The following INSRR variants were observed in gnomAD, a reference collection of about 807,000 sequenced individuals.
INSRR encodes the protein insulin receptor related receptor.
A neutral mutation model predicts 130.0 loss-of-function variants in INSRR; 114 were observed. The observed-to-expected ratio is 0.88, with a 90% CI of 0.75 to 1.02. The LOEUF is 1.02. Among genes scored for constraint, INSRR ranks in the 50% least tolerant of loss-of-function variants. The pLI is 0.00. For synonymous variants in INSRR, 674 were observed against 705.2 expected (o/e 0.96, Z 0.70); for missense variants, 1,657 against 1,735.2 (o/e 0.95, Z 0.80).
chr1:156,844,806 C>T lies in INSRR; in HGVS notation c.2475G>A (p.Glu825=). ...GAAGGACACTGTTCTTGCTGGAGGC[C>T]TCCCAGGCCACCTTTCCTGGAATAC... ...ADGIPGKVAW[E]ASSKNSVLLR... The change falls in exon 13 of 22, where the codon GAG becomes GAA. Residue 825 remains glutamate (E), a synonymous_variant. Coordinates refer to ENST00000368195, the MANE Select transcript of INSRR (RefSeq NM_014215.3). 6.2e-7 allele frequency: 1 copy of T among 1,614,128 alleles called. No homozygotes were observed. Among genetic ancestry groups the T allele is most frequent in the Non-Finnish European group, 8.5e-7 (1 of 1,180,026 alleles).
chr1:156,849,926 T>C (rs1157806914), intron 5 of INSRR, among the ~76,000 whole-genome samples: 2 of 151,874 alleles, frequency 1.3e-5, no homozygotes, highest in Non-Finnish European at 2.9e-5. Flanking sequence ...CTTTTTTTTT[T>C]TTTCCTCACT....
chr1:156,857,743 C>T lies in INSRR; in HGVS notation c.85+794G>A, dbSNP rs729462. On this transcript the variant is annotated intron_variant, in intron 1 of 21. Coordinates refer to ENST00000368195, the MANE Select transcript of INSRR (RefSeq NM_014215.3). Reference sequence around the variant, plus strand: ...GTCTGAGGGGCATCATAGGACCTCTCGGGCAAGCACAGAGTCTGGATTCCT... The same window carrying T: ...GTCTGAGGGGCATCATAGGACCTCTTGGGCAAGCACAGAGTCTGGATTCCT... Among the ~76,000 whole-genome samples the T allele has an allele frequency of 6.5e-3, 994 of 152,316 alleles. 18 individuals carry two copies. The highest frequency in any genetic ancestry group is 0.023 in the African/African-American group (945 of 41,556).
chr1:156,846,326 G>A (rs887538845), intron 8 of INSRR, among the ~76,000 whole-genome samples, 193 bp downstream of exon 8: 36 of 151,908 alleles, frequency 2.4e-4, no homozygotes, highest in African/African-American at 8.5e-4. Context: ...TATTGACCCC[G>A]GACTGTCCCA....
rs566702909 is a variant in INSRR, at chr1:156,845,789, G to T, written c.2004C>A (p.Asn668Lys). 1 of 1,612,806 alleles carries T rather than the reference G, an allele frequency of 6.2e-7. No homozygotes were observed. Among genetic ancestry groups the T allele is most frequent in the South Asian group, 1.1e-5 (1 of 91,080 alleles). ...CGTCTTCGCCGTCGAAGCGCGGATC[G>T]TTGTTGCTGGTGGGCAGCCGCAAGC... ...HRGLRLPTSN[N>K]DPRFDGEDGD... The change falls in exon 10 of 22, where the codon AAC becomes AAA. Residue 668 changes from asparagine to lysine, a missense_variant. Transcript: ENST00000368195.
intron 8 of INSRR, 45 bp from the exon 9 acceptor site, chr1:156,846,164 C>T (rs374332769): frequency 5.1e-5 from 78 of 1,524,340 alleles, no homozygotes; most frequent in Non-Finnish European, 6.3e-5. Flanking sequence ...GGGTCTTCCT[C>T]CTGAATACTA....
Position 156,846,120 on chromosome 1 carries a change from C to T in INSRR, c.1811-1G>A. 6.3e-7 allele frequency: 1 copy of T among 1,588,742 alleles called. No homozygotes were observed. Among genetic ancestry groups the T allele is most frequent in the South Asian group, 1.2e-5 (1 of 86,758 alleles). ...ATGACGTCTTGGGGCACCGTGGGAG[C>T]TAGGAGTGCGAGAAGGATGCAACTC... On this transcript the variant is annotated splice_acceptor_variant, in intron 8 of 21. Transcript: ENST00000368195. LOFTEE classifies it high-confidence loss of function.
chr1:156,848,117 G>A (rs1655074827), intron 7 of INSRR, among the ~76,000 whole-genome samples: 1 of 152,118 alleles, frequency 6.6e-6, no homozygotes. Context: ...AGCTGCCCAC[G>A]CTGGAGACCT....
At position 156,841,404 on chromosome 1, in the gene INSRR, G is replaced by T; in HGVS notation, c.3652C>A (p.Pro1218Thr). The change falls in exon 21 of 22, where the codon CCC becomes ACC. Residue 1218 changes from proline to threonine, a missense_variant. Coordinates refer to ENST00000368195, the MANE Select transcript of INSRR (RefSeq NM_014215.3). The stretch of plus-strand genomic sequence containing the variant: ...GGGGAGGTGACTCACAGCTGAAGGG[G>T]ACAGCCCTCCAGCTCCTCCAGGACC... ...GGVLEELEGC[P>T]LQLQELMSRC... The T allele has an allele frequency of 6.2e-7, 1 of 1,613,560 alleles. No individual in the cohort carries two copies. Among genetic ancestry groups the T allele is most frequent in the Non-Finnish European group, 8.5e-7 (1 of 1,179,628 alleles).
chr1:156,850,091 A>G (rs892773967), intron 5 of INSRR, among the ~76,000 whole-genome samples: 11 of 152,060 alleles, frequency 7.2e-5, no homozygotes, highest in African/African-American at 2.4e-4. Flanking sequence ...TTATAGAGAC[A>G]GAGTTTCACC....
Position 156,841,387 on chromosome 1 carries a change from G to A in INSRR, c.3662+7C>T, listed in dbSNP as rs1487298813. 1 of 1,613,132 alleles carries A rather than the reference G, an allele frequency of 6.2e-7. No individual in the cohort carries two copies. Among genetic ancestry groups the A allele is most frequent in the Non-Finnish European group, 8.5e-7 (1 of 1,179,432 alleles). On this transcript the variant is annotated splice_region_variant and intron_variant, in intron 21 of 21. Coordinates refer to ENST00000368195, the MANE Select transcript of INSRR (RefSeq NM_014215.3). ...ACAATGAGGAAGGGGCAGGGGAGGT[G>A]ACTCACAGCTGAAGGGGACAGCCCT...
intron 15 of INSRR, among the ~76,000 whole-genome samples, chr1:156,843,740 G>A (rs1654886418): frequency 6.6e-6 from 1 of 152,212 alleles, no homozygotes. Context: ...CAAGCTGATC[G>A]AGGTCCAGCC....
intron 10 of INSRR, 76 bp downstream of exon 10, chr1:156,845,543 C>A: frequency 7.6e-7 from 1 of 1,310,930 alleles, no homozygotes; most frequent in African/African-American, 1.5e-5. Context: ...ACCCACAAAC[C>A]CCACCCCTCC....
At chr1:156,843,362 G>T in intron 16 of INSRR, 65 bp downstream of exon 16, 1 of 1,583,690 alleles carries the variant, frequency 6.3e-7, no homozygotes, top group Non-Finnish European at 8.7e-7. Context: ...TCTTCTGGAA[G>T]TCTGTCTCTG....
In INSRR at chr1:156,853,865, TC is replaced by T. The variant is rs1655316407; in HGVS notation, c.523del (p.Glu175SerfsTer73). 6.2e-7 allele frequency: 1 copy of T among 1,613,954 alleles called. No individual in the cohort carries two copies. Among genetic ancestry groups the T allele is most frequent in the African/African-American group, 1.3e-5 (1 of 74,938 alleles). On this transcript the variant is annotated frameshift_variant, in exon 2 of 22. Coordinates refer to ENST00000368195, the MANE Select transcript of INSRR (RefSeq NM_014215.3). LOFTEE classifies it high-confidence loss of function. ...CACACCAGGGCACACGTCAGCACAC[TC>T]CTCGCCCAGCTTGTTGCCCACGATG... ...NHIVGNKLGEECADVCPGVLG... is the reference protein window; with the variant it reads ...NHIVGNKLGEXCADVCPGVLG...
Position 156,858,808 on chromosome 1 carries a change from A to C in INSRR, c.-187T>G. The stretch of plus-strand genomic sequence containing the variant: ...AAAAAAAGAAATGAGAGTCACAGAG[A>C]CACAAAGACAGTGACAGGCAGTTGG... On this transcript the variant is annotated 5_prime_UTR_variant, in exon 1 of 22. Coordinates refer to ENST00000368195, the MANE Select transcript of INSRR (RefSeq NM_014215.3). The C allele has an allele frequency of 1.6e-6, 1 of 607,706 alleles. No individual in the cohort carries two copies. The highest frequency in any genetic ancestry group is 2.9e-6 in the Non-Finnish European group (1 of 339,288). 37.6% of individuals were successfully genotyped at this position (607,706 alleles called of 1,614,324 possible).
rs947973065 is a variant in INSRR, at chr1:156,840,264, G to A, written c.*609C>T. On this transcript the variant is annotated 3_prime_UTR_variant, in exon 22 of 22. Coordinates refer to ENST00000368195, the MANE Select transcript of INSRR (RefSeq NM_014215.3). The stretch of plus-strand genomic sequence containing the variant: ...GATGCCCCTGGAGAAAAGGAGGAAG[G>A]AGCACCAAGCTTGGGGAGCCCTGGG... The A allele has an allele frequency of 5.1e-5, 8 of 157,268 alleles. No individual in the cohort carries two copies. Among genetic ancestry groups the A allele is most frequent in the Non-Finnish European group, 9.8e-5 (7 of 71,214 alleles). 9.7% of individuals were successfully genotyped at this position (157,268 alleles called of 1,614,324 possible).
At position 156,851,731 on chromosome 1, in the gene INSRR, C is replaced by A; in HGVS notation, c.999G>T (p.Lys333Asn). 6.2e-7 allele frequency: 1 copy of A among 1,614,182 alleles called. No individual in the cohort carries two copies. Among genetic ancestry groups the A allele is most frequent in the South Asian group, 1.1e-5 (1 of 91,088 alleles). ...LCPKECKVGT[K>N]TIDSIQAAQD... The stretch of plus-strand genomic sequence containing the variant: ...GTGCCGCCTGGATGGAGTCGATGGT[C>A]TTGGTGCCTACCTTGCACTCTTTAG... The change falls in exon 4 of 22, where the codon AAG becomes AAT. Residue 333 changes from lysine to asparagine, a missense_variant. Coordinates refer to ENST00000368195, the MANE Select transcript of INSRR (RefSeq NM_014215.3).
chr1:156,845,532 C>T, intron 10 of INSRR, 87 bp downstream of exon 10: 2 of 1,438,064 alleles, frequency 1.4e-6, no homozygotes, highest in Admixed American at 5.2e-5. Flanking sequence ...AGCAAGGCCC[C>T]ACCCACAAAC....
rs769366556 is a variant in INSRR at position 156,849,025 on chromosome 1, G to GA, written c.1466dup (p.Val490ArgfsTer18). On this transcript the variant is annotated frameshift_variant, in exon 7 of 22. Transcript: ENST00000368195. LOFTEE classifies it high-confidence loss of function. ...GGTCTGCCTCCGTCACGTTGGACAC[G>GA]AAGCGCAGGGTGCGAGTCTGGCCTG... The GA allele has an allele frequency of 6.2e-7, 1 of 1,613,346 alleles. No homozygotes were observed. Among genetic ancestry groups the GA allele is most frequent in the African/African-American group, 1.3e-5 (1 of 74,924 alleles).
Sources: allele counts gnomAD v4.1 joint callset (sites outside exome capture counted in the v4.1 genomes callset), GRCh38; gene constraint gnomAD v4.1.1; transcripts MANE v1.5; gene names NCBI Gene and HGNC (gene_info 2026-07-23, HGNC 2026-07-21).